The following SND1 variants were observed in gnomAD, a reference collection of about 807,000 sequenced individuals.
SND1 encodes the protein staphylococcal nuclease domain-containing protein 1.
Under a neutral mutation model 121.7 loss-of-function variants are expected in SND1, and 38 were observed. The ratio of observed to expected loss-of-function variants is 0.31; its 90% CI spans 0.24 to 0.41. The LOEUF is 0.41. SND1 is among the 10% of genes least tolerant of loss of function. SND1 has a pLI of 1.00. For synonymous variants in SND1, 401 were observed against 447.4 expected, an observed-to-expected ratio of 0.90 and a Z score of 1.31; for missense variants, 868 against 1,184.6, an observed-to-expected ratio of 0.73 and a Z score of 3.92.
intron 11 of SND1, among the ~76,000 whole-genome samples, chr7:127,821,466 A>G (rs1046532765): frequency 2.6e-5 from 4 of 151,810 alleles, no homozygotes; most frequent in Admixed American, 1.3e-4. Flanking sequence ...CTGCTCTCCA[A>G]CTGTTGTCTC....
intron 15 of SND1, among the ~76,000 whole-genome samples, chr7:127,945,137 T>C (rs1801299700): frequency 6.6e-6 from 1 of 152,230 alleles, no homozygotes; most frequent in Non-Finnish European, 1.5e-5. Flanking sequence ...CAGCACTCAC[T>C]AGAAAGTTCT....
At chr7:128,026,359 T>C (rs936441704) in intron 16 of SND1, among the ~76,000 whole-genome samples, 3 of 152,200 alleles carry the variant, frequency 2.0e-5, no homozygotes, top group African/African-American at 7.2e-5. Context: ...AGAAATGATG[T>C]ATATACCCAG....
At chr7:127,903,771 G>A (rs1412384347) in intron 13 of SND1, among the ~76,000 whole-genome samples, 2 of 152,276 alleles carry the variant, frequency 1.3e-5, no homozygotes, top group African/African-American at 2.4e-5. Context: ...GGGAAGAGGT[G>A]GAAATGTGGC....
At chr7:127,908,402 G>A (rs1448098828) in intron 14 of SND1, among the ~76,000 whole-genome samples, 1 of 150,650 alleles carries the variant, frequency 6.6e-6, no homozygotes, top group African/African-American at 2.4e-5. Flanking sequence ...CCTATTTTTA[G>A]GGTAACCACT....
At chr7:128,080,201 T>A (rs1399529125) in intron 17 of SND1, among the ~76,000 whole-genome samples, 1 of 152,204 alleles carries the variant, frequency 6.6e-6, no homozygotes, top group Non-Finnish European at 1.5e-5. Context: ...GCGTGATCCA[T>A]TCTCTGCACT....
At chr7:127,935,240 T>G (rs1801036560) in intron 15 of SND1, among the ~76,000 whole-genome samples, 1 of 152,148 alleles carries the variant, frequency 6.6e-6, no homozygotes. Context: ...GGAAAAGTAG[T>G]GCAGAAAGTA....
At position 127,686,726 on chromosome 7, in the gene SND1, C is replaced by T. The variant is rs199703777; in HGVS notation, c.192C>T (p.Ala64=). 6.3e-5 allele frequency: 102 copies of T among 1,614,138 alleles called. 1 individual carries two copies. In the East Asian group the frequency reaches 1.0e-3, roughly 16 times the overall value. ...CTGGAAATCTTGCTCGCCGGGCAGC[C>T]GCCACACAACCTGATGCAAAGGATA... ...IRAGNLARRA[A]ATQPDAKDTP... The change falls in exon 2 of 24, where the codon GCC becomes GCT. Residue 64 remains alanine, a synonymous_variant. Coordinates refer to ENST00000354725, the MANE Select transcript of SND1 (RefSeq NM_014390.4).
At chr7:127,759,057 A>AATAGATAGATAG (rs1289095272) in intron 10 of SND1, among the ~76,000 whole-genome samples, 34,248 of 145,202 alleles carry the variant, frequency 0.24, 4,106 homozygotes, top group South Asian at 0.27. Flanking sequence ...CTGTCTCAAA[A>AATAGATAGATAG]ATAGATAGAT....
chr7:127,984,048 T>A (rs1802327789), intron 15 of SND1, among the ~76,000 whole-genome samples: 1 of 152,230 alleles, frequency 6.6e-6, no homozygotes, highest in African/African-American at 2.4e-5. Flanking sequence ...TGTACAAATT[T>A]AGCACCTTTT....
chr7:127,714,787 C>T (rs1796358528), intron 9 of SND1, among the ~76,000 whole-genome samples: 1 of 152,182 alleles, frequency 6.6e-6, no homozygotes, highest in African/African-American at 2.4e-5. Context: ...AGCATAGTGT[C>T]CTCAGGGTTC....
At chr7:127,898,257 A>G (rs567956061) in intron 13 of SND1, among the ~76,000 whole-genome samples, 3 of 152,214 alleles carry the variant, frequency 2.0e-5, no homozygotes, top group African/African-American at 4.8e-5. Context: ...TCACTGCCTC[A>G]TAATACCTAC....
intron 1 of SND1, among the ~76,000 whole-genome samples, chr7:127,683,318 C>A (rs776029941): frequency 1.3e-5 from 2 of 152,120 alleles, no homozygotes; most frequent in Non-Finnish European, 2.9e-5. Flanking sequence ...CAGGCTCAAG[C>A]GGTTCTCCTA....
At chr7:127,674,574 C>T (rs550759900) in intron 1 of SND1, among the ~76,000 whole-genome samples, 14 of 152,346 alleles carry the variant, frequency 9.2e-5, no homozygotes, top group Admixed American at 7.8e-4. Context: ...TGCCAGCTTG[C>T]GCTGACCAAG....
intron 12 of SND1, chr7:127,858,509 C>A: frequency 1.9e-6 from 1 of 528,982 alleles, no homozygotes; most frequent in South Asian, 2.0e-5. Flanking sequence ...TGCAGAAGTT[C>A]TGTACTTTGT....
chr7:127,792,667 G>T (rs1281759366), intron 10 of SND1, among the ~76,000 whole-genome samples: 1 of 152,202 alleles, frequency 6.6e-6, no homozygotes, highest in Non-Finnish European at 1.5e-5. Context: ...ACTGATGCTT[G>T]TGTCTCTAAG....
At chr7:127,743,260 A>G (rs932530233) in intron 10 of SND1, among the ~76,000 whole-genome samples, 11 of 152,170 alleles carry the variant, frequency 7.2e-5, no homozygotes, top group African/African-American at 2.7e-4. Flanking sequence ...ACATGTTTGA[A>G]TGTTTTCAAT....
At chr7:128,037,727 T>A (rs1253614449) in intron 16 of SND1, among the ~76,000 whole-genome samples, 1 of 152,116 alleles carries the variant, frequency 6.6e-6, no homozygotes, top group African/African-American at 2.4e-5. Context: ...GTCTTCCCAC[T>A]GGGAAGGGAG....
At chr7:127,819,158 A>G (rs1217850045) in intron 11 of SND1, among the ~76,000 whole-genome samples, 1 of 152,196 alleles carries the variant, frequency 6.6e-6, no homozygotes, top group African/African-American at 2.4e-5. Flanking sequence ...AATGGAAGGA[A>G]CTGTTTTATT....
At chr7:127,806,242 C>G (rs1798235923) in intron 10 of SND1, among the ~76,000 whole-genome samples, 1 of 152,194 alleles carries the variant, frequency 6.6e-6, no homozygotes, top group Admixed American at 6.5e-5. Context: ...GATTCCTACT[C>G]CTTTATCCTC....
Sources: allele counts gnomAD v4.1 joint callset (sites outside exome capture counted in the v4.1 genomes callset), GRCh38; gene constraint gnomAD v4.1.1; transcripts MANE v1.5; gene names NCBI Gene and HGNC (gene_info 2026-07-23, HGNC 2026-07-21).